The following UBTD1 variants were observed in gnomAD, a reference collection of about 807,000 sequenced individuals.
UBTD1 encodes ubiquitin domain-containing protein 1.
A neutral mutation model predicts 21.7 loss-of-function variants in UBTD1; 19 were observed. The ratio of observed to expected loss-of-function variants is 0.87; its 90% CI spans 0.61 to 1.28. The LOEUF (loss-of-function observed/expected upper bound fraction) is 1.28. Ranked by LOEUF, UBTD1 falls within the 50% of genes most tolerant of loss-of-function variation. The probability of loss-of-function intolerance (pLI) is 0.00; values close to 1 mark genes in which losing one functional copy is unlikely to be tolerated. For missense variants in UBTD1, 282 were observed against 315.1 expected (o/e 0.89, Z 0.80); for synonymous variants, 116 against 135.1 (o/e 0.86, Z 0.98).
intron 1 of UBTD1, among the ~76,000 whole-genome samples, chr10:97,509,725 A>G (rs1259530580): frequency 6.6e-6 from 1 of 152,006 alleles, no homozygotes; most frequent in African/African-American, 2.4e-5. Flanking sequence ...ATCTCGGCTC[A>G]CTGCAACTTC....
At chr10:97,556,531 C>A (rs941477336) in intron 1 of UBTD1, among the ~76,000 whole-genome samples, 3 of 152,200 alleles carry the variant, frequency 2.0e-5, no homozygotes, top group African/African-American at 7.2e-5. Flanking sequence ...GGTTCAATAT[C>A]CCCATGAGCC....
intron 1 of UBTD1, among the ~76,000 whole-genome samples, chr10:97,526,247 G>A (rs1488560466): frequency 6.6e-6 from 1 of 152,186 alleles, no homozygotes; most frequent in African/African-American, 2.4e-5. Flanking sequence ...TTTCTGGAAA[G>A]CAATTTGGCA....
chr10:97,525,312 TAGAG>T (rs1291998667), intron 1 of UBTD1, among the ~76,000 whole-genome samples: 1 of 152,118 alleles, frequency 6.6e-6, no homozygotes, highest in Non-Finnish European at 1.5e-5. Flanking sequence ...GCACCGCAGA[TAGAG>T]AGCTAAAAGA....
chr10:97,531,407 C>T (rs952752139), intron 1 of UBTD1, among the ~76,000 whole-genome samples: 7 of 151,662 alleles, frequency 4.6e-5, no homozygotes, highest in Non-Finnish European at 7.4e-5. Flanking sequence ...GTGAGGTTTC[C>T]GCCCAGCTAA....
At chr10:97,541,338 G>A (rs750410824) in intron 1 of UBTD1, among the ~76,000 whole-genome samples, 41 of 152,040 alleles carry the variant, frequency 2.7e-4, no homozygotes, top group Non-Finnish European at 3.8e-4. Context: ...TTGTCCAGGC[G>A]TGGTGGTATG....
At chr10:97,538,850 A>G (rs897922094) in intron 1 of UBTD1, among the ~76,000 whole-genome samples, 1 of 152,036 alleles carries the variant, frequency 6.6e-6, no homozygotes, top group African/African-American at 2.4e-5. Context: ...GAGGGCTAGG[A>G]TCTTGCCTTA....
chr10:97,509,956 C>CT (rs112366543), intron 1 of UBTD1, among the ~76,000 whole-genome samples: 5,667 of 132,514 alleles, frequency 0.043, 300 homozygotes, highest in African/African-American at 0.14. Context: ...TGTGCCTGGC[C>CT]TTTTTTTTTT....
At chr10:97,568,211 G>A in intron 2 of UBTD1, 70 bp downstream of exon 2, 1 of 1,537,732 alleles carries the variant, frequency 6.5e-7, no homozygotes, top group Admixed American at 1.7e-5. Context: ...TGAGGGTGTT[G>A]AGGAGTGTGG....
At chr10:97,510,427 G>T (rs1398853311) in intron 1 of UBTD1, among the ~76,000 whole-genome samples, 2 of 152,052 alleles carry the variant, frequency 1.3e-5, no homozygotes, top group Non-Finnish European at 2.9e-5. Flanking sequence ...TGTAACCTCG[G>T]GTAAGTTATT....
Position 97,570,038 on chromosome 10 carries a change from G to C in UBTD1, c.299-100G>C. The C allele has an allele frequency of 6.8e-7, 1 of 1,468,362 alleles. No homozygotes were observed. The highest frequency in any genetic ancestry group is 9.1e-7 in the Non-Finnish European group (1 of 1,095,500). The allele number at this position is 1,468,362 out of a possible 1,614,324, so 91.0% of individuals were successfully genotyped here. The stretch of plus-strand genomic sequence containing the variant: ...CCCCATGTCCAAATACAGTCACATT[G>C]GGGGTTAGAGTTTCACCATATGAAT... On this transcript the variant is annotated intron_variant, in intron 2 of 2. Transcript: ENST00000370664. This position sits in a 1 kb window ranked among gnomAD's most constrained non-coding sequence, Gnocchi z 6.6.
chr10:97,500,151 G>A (rs1262388998), intron 1 of UBTD1, among the ~76,000 whole-genome samples: 2 of 152,234 alleles, frequency 1.3e-5, no homozygotes, highest in Non-Finnish European at 2.9e-5. Context: ...GATCCTGAGA[G>A]GTTGAACACC....
intron 1 of UBTD1, among the ~76,000 whole-genome samples, chr10:97,567,518 G>A (rs985131554): frequency 1.3e-5 from 2 of 151,668 alleles, no homozygotes; most frequent in Non-Finnish European, 2.9e-5. Flanking sequence ...AATTAATCAG[G>A]CGTGGTGGTG....
chr10:97,528,388 C>T (rs2040503879), intron 1 of UBTD1, among the ~76,000 whole-genome samples: 1 of 93,420 alleles, frequency 1.1e-5, no homozygotes, highest in African/African-American at 4.3e-5. Flanking sequence ...GGCGGCTGGC[C>T]GGGCGGGGGG....
chr10:97,569,837 C>T (rs1052948925), intron 2 of UBTD1, among the ~76,000 whole-genome samples: 4 of 150,780 alleles, frequency 2.7e-5, no homozygotes, highest in East Asian at 2.0e-4. Flanking sequence ...CTCAGCTGCT[C>T]GGGAGGCTGA....
intron 1 of UBTD1, among the ~76,000 whole-genome samples, chr10:97,547,969 T>C (rs1386684737): frequency 6.6e-6 from 1 of 152,104 alleles, no homozygotes; most frequent in African/African-American, 2.4e-5. Context: ...TGGTTACCAA[T>C]GACAATAGCT....
At chr10:97,534,176 C>T (rs1208104460) in intron 1 of UBTD1, among the ~76,000 whole-genome samples, 1 of 152,214 alleles carries the variant, frequency 6.6e-6, no homozygotes, top group East Asian at 1.9e-4. Context: ...CTGTTGGGCC[C>T]TTTCCCACTT....
chr10:97,524,576 T>C (rs1564737539), intron 1 of UBTD1, among the ~76,000 whole-genome samples: 1 of 152,208 alleles, frequency 6.6e-6, no homozygotes, highest in African/African-American at 2.4e-5. Context: ...GCTCACCCTA[T>C]GAAGGCAGGT....
chr10:97,570,450 T>C lies in UBTD1; in HGVS notation c.611T>C (p.Leu204Pro), dbSNP rs1429502279. The C allele has an allele frequency of 1.2e-6, 2 of 1,612,764 alleles. No homozygotes were observed. Among genetic ancestry groups the C allele is most frequent in the African/African-American group, 2.7e-5 (2 of 74,906 alleles). Residue 204 changes from leucine to proline, a missense_variant, in exon 3 of 3, where the codon CTC (leucine) becomes CCC (proline). Transcript: ENST00000370664. The surrounding 1 kb of genome is among the most constrained non-coding windows in gnomAD (Gnocchi z 6.6). ...AAGCTGCTCACAGACCGCACACGGC[T>C]CCAGGAGACCAAGATCCAGAAAGAT... ...SGKLLTDRTR[L>P]QETKIQKDFV...
chr10:97,531,279 C>T (rs2040530694), intron 1 of UBTD1, among the ~76,000 whole-genome samples: 1 of 150,962 alleles, frequency 6.6e-6, no homozygotes, highest in South Asian at 2.1e-4. Context: ...GGCACAATCT[C>T]GGCTTGCTGC....
Sources: allele counts gnomAD v4.1 joint callset (sites outside exome capture counted in the v4.1 genomes callset), GRCh38; gene constraint gnomAD v4.1.1; non-coding constraint Gnocchi (gnomAD v3.1); transcripts MANE v1.5; gene names NCBI Gene and HGNC (gene_info 2026-07-23, HGNC 2026-07-21).